The following HECW2 variants were observed in gnomAD, a reference collection of about 807,000 sequenced individuals.
The protein encoded by HECW2 is E3 ubiquitin-protein ligase HECW2.
HECW2 carries 61 observed loss-of-function variants against 175.2 expected under a neutral mutation model. The ratio of observed to expected loss-of-function variants is 0.35; its 90% CI spans 0.28 to 0.43. The LOEUF (loss-of-function observed/expected upper bound fraction) is 0.43. Ranked by LOEUF, HECW2 falls within the 20% of genes least tolerant of loss-of-function variation. The pLI, the probability that HECW2 is intolerant of heterozygous loss-of-function variation, is 1.00. For synonymous variants in HECW2, 671 were observed against 731.0 expected, an observed-to-expected ratio of 0.92 and a Z score of 1.32; for missense variants, 1,524 against 2,000.5, an observed-to-expected ratio of 0.76 and a Z score of 4.54.
chr2:196,330,368 C>T (rs1365947573), intron 4 of HECW2, among the ~76,000 whole-genome samples: 1 of 152,178 alleles, frequency 6.6e-6, no homozygotes, highest in Non-Finnish European at 1.5e-5. Flanking sequence ...TCATATTACT[C>T]TGCAAAATAA....
At chr2:196,296,154 G>C (rs1690805361) in intron 13 of HECW2, among the ~76,000 whole-genome samples, 1 of 152,082 alleles carries the variant, frequency 6.6e-6, no homozygotes, top group African/African-American at 2.4e-5. Context: ...TAGTTTATGT[G>C]TGTGTATATA....
At chr2:196,359,447 A>AAAACAAAC (rs202003088) in intron 2 of HECW2, among the ~76,000 whole-genome samples, 10 of 151,694 alleles carry the variant, frequency 6.6e-5, no homozygotes, top group African/African-American at 2.4e-4. Flanking sequence ...ACTCCATCTT[A>AAAACAAAC]AAACAAACAA....
At chr2:196,514,682 CCT>C (rs1688085381) in intron 1 of HECW2, among the ~76,000 whole-genome samples, 1 of 152,194 alleles carries the variant, frequency 6.6e-6, no homozygotes, top group Non-Finnish European at 1.5e-5. Flanking sequence ...GAACAACCCC[CCT>C]GAGGACAGGA....
At chr2:196,465,725 G>T (rs768151597) in intron 1 of HECW2, among the ~76,000 whole-genome samples, 9 of 149,664 alleles carry the variant, frequency 6.0e-5, no homozygotes, top group Non-Finnish European at 8.9e-5. Flanking sequence ...TTCTGGACAC[G>T]TATTTGCATG....
At position 196,464,623 on chromosome 2, in the gene HECW2, A is replaced by T. The variant is rs1026047091; in HGVS notation, c.-35-31165T>A. Among the ~76,000 whole-genome samples, 18 of 152,210 alleles carry T rather than the reference A, an allele frequency of 1.2e-4. 1 individual carries two copies. The highest frequency in any genetic ancestry group is 9.2e-4 in the Admixed American group (14 of 15,274). The stretch of plus-strand genomic sequence containing the variant: ...TAATTATCCCATTGGCCATGCTCAA[A>T]CCCGTAAGAATTCAGAGGAGGCAAA... On this transcript the variant is annotated intron_variant, in intron 1 of 28. Coordinates refer to ENST00000644978, the MANE Select transcript of HECW2 (RefSeq NM_001348768.2).
intron 9 of HECW2, among the ~76,000 whole-genome samples, chr2:196,318,235 T>G (rs1247943053): frequency 6.6e-6 from 1 of 152,170 alleles, no homozygotes; most frequent in Non-Finnish European, 1.5e-5. Context: ...AGCACTGAAT[T>G]TGAACTCAAG....
intron 1 of HECW2, among the ~76,000 whole-genome samples, chr2:196,460,081 G>A (rs1696678878): frequency 6.6e-6 from 1 of 152,084 alleles, no homozygotes; most frequent in Non-Finnish European, 1.5e-5. Context: ...CTGTCAGAAT[G>A]GCTACCCTGC....
intron 1 of HECW2, among the ~76,000 whole-genome samples, chr2:196,541,915 A>G (rs1053248691): frequency 6.6e-6 from 1 of 152,140 alleles, no homozygotes; most frequent in Non-Finnish European, 1.5e-5. Context: ...TTACTTCTAT[A>G]TTTGGTAAAT....
chr2:196,526,604 T>A (rs1401780204), intron 1 of HECW2, among the ~76,000 whole-genome samples: 1 of 144,868 alleles, frequency 6.9e-6, no homozygotes, highest in African/African-American at 2.8e-5. Flanking sequence ...CCCATCTTTG[T>A]GGTTTTATCT....
At chr2:196,260,078 C>T (rs1479454271) in intron 17 of HECW2, 3 of 152,086 alleles carry the variant, frequency 2.0e-5, no homozygotes, top group Non-Finnish European at 4.4e-5. Flanking sequence ...TTGGAAGTTT[C>T]CTGTGAATAA....
chr2:196,467,759 C>T (rs1484277180), intron 1 of HECW2, among the ~76,000 whole-genome samples: 1 of 152,190 alleles, frequency 6.6e-6, no homozygotes, highest in African/African-American at 2.4e-5. Context: ...AACCCCCATG[C>T]TACCTTTATC....
chr2:196,343,020 T>C (rs1238846173), intron 3 of HECW2, among the ~76,000 whole-genome samples: 4 of 151,192 alleles, frequency 2.6e-5, no homozygotes, highest in African/African-American at 9.7e-5. Flanking sequence ...TATATATACA[T>C]GTATATGTAT....
intron 1 of HECW2, among the ~76,000 whole-genome samples, chr2:196,520,772 G>GCAGCATAGCTAAGA (rs1456953416): frequency 6.6e-6 from 1 of 152,148 alleles, no homozygotes; most frequent in Non-Finnish European, 1.5e-5. Context: ...CCACAGTTAA[G>GCAGCATAGCTAAGA]CAGCATAGCT....
chr2:196,403,337 G>C (rs1002364673), intron 2 of HECW2, among the ~76,000 whole-genome samples: 1 of 152,116 alleles, frequency 6.6e-6, no homozygotes, highest in African/African-American at 2.4e-5. Flanking sequence ...CAGTAATAAA[G>C]CAACAGATGC....
At chr2:196,471,012 CAA>C (rs398060924) in intron 1 of HECW2, among the ~76,000 whole-genome samples, 16 of 120,096 alleles carry the variant, frequency 1.3e-4, no homozygotes, top group Admixed American at 2.6e-4. Flanking sequence ...ACCAAATTGG[CAA>C]AAAAAAAAAA....
intron 14 of HECW2, among the ~76,000 whole-genome samples, chr2:196,280,070 G>T (rs1690129456): frequency 6.6e-6 from 1 of 152,108 alleles, no homozygotes; most frequent in Admixed American, 6.5e-5. Flanking sequence ...AAGTAAAATT[G>T]ACTCAAGGTA....
At chr2:196,261,017 C>A (rs550053201) in intron 17 of HECW2, among the ~76,000 whole-genome samples, 1 of 152,154 alleles carries the variant, frequency 6.6e-6, no homozygotes, top group Non-Finnish European at 1.5e-5. Context: ...TTATAGGGCA[C>A]TTGGTGCAAA....
rs1330573457 is a variant in HECW2, at chr2:196,194,754, C to T, written c.*6523G>A. On this transcript the variant is annotated 3_prime_UTR_variant, in exon 29 of 29. Transcript: ENST00000644978. Reference sequence around the variant, plus strand: ...CCCATTATTATTCTCCATCAAAAGTCACATTAAATAAATATGAAGCTTAAA... The same window carrying T: ...CCCATTATTATTCTCCATCAAAAGTTACATTAAATAAATATGAAGCTTAAA... The T allele has an allele frequency of 3.3e-5, 5 of 152,196 alleles. No homozygotes were observed. Among genetic ancestry groups the T allele is most frequent in the African/African-American group, 7.2e-5 (3 of 41,536 alleles). The allele number at this position is 152,196 out of a possible 1,614,324, so 9.4% of individuals were successfully genotyped here.
At chr2:196,588,668 A>C (rs1691074379) in intron 1 of HECW2, among the ~76,000 whole-genome samples, 1 of 152,192 alleles carries the variant, frequency 6.6e-6, no homozygotes, top group Non-Finnish European at 1.5e-5. Flanking sequence ...ATACACACAC[A>C]CACACATATA....
Sources: gnomAD v4.1 joint callset for allele counts (sites outside exome capture counted in the v4.1 genomes callset) on GRCh38, gnomAD v4.1.1 for gene constraint, MANE v1.5 for transcripts, NCBI Gene and HGNC (gene_info 2026-07-23, HGNC 2026-07-21) for gene names.